KCNK10: variants seen among roughly 807,000 people sequenced by gnomAD.
KCNK10 encodes potassium two pore domain channel subfamily K member 10, also known as potassium channel subfamily K member 10.
A neutral mutation model predicts 47.7 loss-of-function variants in KCNK10; 25 were observed. That is an observed-to-expected ratio of 0.52 (90% CI 0.38 to 0.73). KCNK10 has a LOEUF of 0.73. Among genes scored for constraint, KCNK10 ranks in the 30% least tolerant of loss-of-function variants. The pLI, the probability that KCNK10 is intolerant of heterozygous loss-of-function variation, is 0.00. For missense variants in KCNK10, 563 were observed against 714.5 expected (o/e 0.79, Z 2.42); for synonymous variants, 303 against 285.6 (o/e 1.06, Z -0.61).
At chr14:88,320,702 G>A (rs571884029) in intron 1 of KCNK10, among the ~76,000 whole-genome samples, 74 of 152,208 alleles carry the variant, frequency 4.9e-4, no homozygotes, top group Non-Finnish European at 8.5e-4. Context: ...TACTCCGTCC[G>A]CTTCTCCATG....
At chr14:88,317,214 T>A (rs1057451769) in intron 1 of KCNK10, among the ~76,000 whole-genome samples, 2 of 152,204 alleles carry the variant, frequency 1.3e-5, no homozygotes, top group African/African-American at 4.8e-5. Flanking sequence ...AAATTGGATA[T>A]TAAATCAAAA....
At chr14:88,223,409 C>G (rs1885882936) in intron 4 of KCNK10, among the ~76,000 whole-genome samples, 1 of 143,670 alleles carries the variant, frequency 7.0e-6, no homozygotes, top group African/African-American at 2.6e-5. Context: ...ATATCATTTT[C>G]TTTCAATGAG....
At chr14:88,187,722 T>C (rs773868057) in intron 6 of KCNK10, among the ~76,000 whole-genome samples, 6 of 151,956 alleles carry the variant, frequency 3.9e-5, no homozygotes, top group African/African-American at 7.3e-5. Flanking sequence ...TTTTCCAGGA[T>C]TTATGGGCTG....
chr14:88,285,188 T>A (rs1377556903), intron 1 of KCNK10, among the ~76,000 whole-genome samples: 1 of 152,236 alleles, frequency 6.6e-6, no homozygotes, highest in Non-Finnish European at 1.5e-5. Flanking sequence ...CTTAGTTCAC[T>A]GCAACCTCTG....
At chr14:88,211,538 G>T (rs1392673276) in intron 4 of KCNK10, among the ~76,000 whole-genome samples, 2 of 152,138 alleles carry the variant, frequency 1.3e-5, no homozygotes, top group Non-Finnish European at 2.9e-5. Flanking sequence ...TTAAAAAAAG[G>T]CATAAAGAAA....
At position 88,323,150 on chromosome 14, in the gene KCNK10, C is replaced by T; in HGVS notation, c.-352G>A. 5.3e-6 allele frequency: 6 copies of T among 1,134,022 alleles called. No individual in the cohort carries two copies. Among genetic ancestry groups the T allele is most frequent in the Non-Finnish European group, 6.5e-6 (6 of 917,818 alleles). The allele number at this position is 1,134,022 out of a possible 1,614,324, so 70.2% of individuals were successfully genotyped here. A position where few individuals can be genotyped will look rare whatever the true frequency, so the allele number is the denominator to read the frequency against. ...AGCGGTGCCGGCAGGTTAGGGGCTG[C>T]GCAGCCTGAAGGCTGGGGCTACGGA... On this transcript the variant is annotated 5_prime_UTR_variant, in exon 1 of 7. Transcript: ENST00000319231.
At chr14:88,309,848 G>T (rs1295607029) in intron 1 of KCNK10, among the ~76,000 whole-genome samples, 1 of 147,222 alleles carries the variant, frequency 6.8e-6, no homozygotes, top group African/African-American at 2.6e-5. Context: ...TTTAACATGA[G>T]CAGAGCAACC....
At chr14:88,240,923 A>T in intron 2 of KCNK10, 103 bp from the exon 3 acceptor site, 1 of 679,996 alleles carries the variant, frequency 1.5e-6, no homozygotes, top group Non-Finnish European at 2.5e-6. Flanking sequence ...CCTACTCAAG[A>T]ACCTGCAGTG....
intron 1 of KCNK10, among the ~76,000 whole-genome samples, chr14:88,292,993 G>GA (rs34016641): frequency 0.38 from 58,329 of 151,762 alleles, 11,734 homozygotes; most frequent in African/African-American, 0.51. Context: ...TTGAATATCT[G>GA]AAAAAAAAGT....
chr14:88,283,880 C>G (rs962679819), intron 1 of KCNK10, among the ~76,000 whole-genome samples: 1 of 152,102 alleles, frequency 6.6e-6, no homozygotes, highest in Non-Finnish European at 1.5e-5. Context: ...CACCACCACA[C>G]TCCAGCCTGG....
chr14:88,315,225 C>T (rs901870319), intron 1 of KCNK10, among the ~76,000 whole-genome samples: 12 of 152,134 alleles, frequency 7.9e-5, no homozygotes, highest in African/African-American at 1.2e-4. Flanking sequence ...CCTCAAATTC[C>T]ACCATGAGGG....
intron 3 of KCNK10, among the ~76,000 whole-genome samples, chr14:88,236,669 A>G (rs756380473): frequency 6.6e-6 from 1 of 152,268 alleles, no homozygotes; most frequent in Non-Finnish European, 1.5e-5. Context: ...CCACCACAAT[A>G]AAATGAGTCA....
intron 4 of KCNK10, among the ~76,000 whole-genome samples, chr14:88,222,475 G>A (rs1386248867): frequency 6.6e-6 from 1 of 152,204 alleles, no homozygotes; most frequent in Non-Finnish European, 1.5e-5. Context: ...GTAGACGCAT[G>A]TCATTATAAA....
At chr14:88,251,062 G>A (rs770158893) in intron 2 of KCNK10, among the ~76,000 whole-genome samples, 3 of 151,410 alleles carry the variant, frequency 2.0e-5, no homozygotes, top group Non-Finnish European at 2.9e-5. Flanking sequence ...ATGAAACCCC[G>A]TCTCTACTAA....
intron 4 of KCNK10, among the ~76,000 whole-genome samples, chr14:88,198,637 T>C (rs1251331206): frequency 1.3e-5 from 2 of 152,148 alleles, no homozygotes; most frequent in African/African-American, 2.4e-5. Context: ...TAAATGCTCA[T>C]TTTCCGCCCC....
chr14:88,226,457 A>G (rs1234245086), intron 4 of KCNK10, among the ~76,000 whole-genome samples: 3 of 152,192 alleles, frequency 2.0e-5, no homozygotes, highest in Non-Finnish European at 4.4e-5. Context: ...CCATTCCTAG[A>G]TCCTGGAAAA....
chr14:88,285,629 G>A (rs1416021760), intron 1 of KCNK10, among the ~76,000 whole-genome samples: 1 of 152,146 alleles, frequency 6.6e-6, no homozygotes, highest in Non-Finnish European at 1.5e-5. Context: ...GCTGTTCTAA[G>A]GAGTCAATCT....
At chr14:88,299,976 G>A (rs1888061501) in intron 1 of KCNK10, among the ~76,000 whole-genome samples, 1 of 152,110 alleles carries the variant, frequency 6.6e-6, no homozygotes, top group Non-Finnish European at 1.5e-5. Flanking sequence ...GCTCTCAAAT[G>A]CACCCACTGC....
At chr14:88,262,572 C>T in intron 2 of KCNK10, among the ~76,000 whole-genome samples, 1 of 152,198 alleles carries the variant, frequency 6.6e-6, no homozygotes, top group Admixed American at 6.5e-5. Context: ...AAGTTCTCTG[C>T]TTCCATTTTC....
Sources: allele counts gnomAD v4.1 joint callset (sites outside exome capture counted in the v4.1 genomes callset), GRCh38; gene constraint gnomAD v4.1.1; transcripts MANE v1.5; gene names NCBI Gene and HGNC (gene_info 2026-07-23, HGNC 2026-07-21).